CERS3: variants seen among roughly 807,000 people sequenced by gnomAD.
The protein encoded by CERS3 is ceramide synthase 3, also known as LAG1 homolog, ceramide synthase 3.
CERS3 carries 33 observed loss-of-function variants against 50.3 expected under a neutral mutation model. That is an observed-to-expected ratio of 0.66 (90% CI 0.50 to 0.88). The LOEUF (loss-of-function observed/expected upper bound fraction) is 0.88. Ranked by LOEUF, CERS3 falls within the 40% of genes least tolerant of loss-of-function variation. The pLI is 0.00. For synonymous variants in CERS3, 176 were observed against 155.2 expected, an observed-to-expected ratio of 1.13 and a Z score of -0.99; for missense variants, 470 against 460.3, an observed-to-expected ratio of 1.02 and a Z score of -0.19.
At chr15:100,435,450 T>TA (rs1199954201) in intron 11 of CERS3, among the ~76,000 whole-genome samples, 1 of 152,190 alleles carries the variant, frequency 6.6e-6, no homozygotes, top group Non-Finnish European at 1.5e-5. Flanking sequence ...ACCCCTTCCT[T>TA]ACACCTTATA....
At chr15:100,469,512 A>G (rs1196269393) in intron 9 of CERS3, 28 bp from the exon 10 acceptor site, 2 of 1,428,448 alleles carry the variant, frequency 1.4e-6, no homozygotes, top group East Asian at 4.6e-5. Context: ...ACTGCAGATA[A>G]AGTGACAATA....
intron 9 of CERS3, among the ~76,000 whole-genome samples, chr15:100,472,289 C>CAACAAGAATCAAAATAG (rs1354253872): frequency 6.6e-6 from 1 of 152,116 alleles, no homozygotes; most frequent in East Asian, 1.9e-4. Flanking sequence ...TGCCTGGGGT[C>CAACAAGAATCAAAATAG]AACAAGAATC....
chr15:100,525,414 C>T (rs1358546757), intron 1 of CERS3, among the ~76,000 whole-genome samples: 1 of 152,160 alleles, frequency 6.6e-6, no homozygotes, highest in Non-Finnish European at 1.5e-5. Context: ...TTTAAATTCT[C>T]ATATTTGGGA....
At chr15:100,502,384 T>C (rs2036039078) in intron 2 of CERS3, among the ~76,000 whole-genome samples, 2 of 152,050 alleles carry the variant, frequency 1.3e-5, no homozygotes, top group Non-Finnish European at 2.9e-5. Flanking sequence ...AGGACAATTT[T>C]GTTTATGGAA....
At chr15:100,432,825 G>T (rs527917471) in intron 11 of CERS3, among the ~76,000 whole-genome samples, 1 of 152,274 alleles carries the variant, frequency 6.6e-6, no homozygotes, top group South Asian at 2.1e-4. Flanking sequence ...GAGGTGGTAG[G>T]GCTTGATGAC....
chr15:100,540,825 G>A (rs1367638115), intron 1 of CERS3, among the ~76,000 whole-genome samples: 1 of 152,112 alleles, frequency 6.6e-6, no homozygotes, highest in Non-Finnish European at 1.5e-5. Context: ...GTTAAGAGTG[G>A]ATAACACACT....
intron 11 of CERS3, among the ~76,000 whole-genome samples, chr15:100,421,419 C>T (rs1228326961): frequency 6.6e-6 from 1 of 151,970 alleles, no homozygotes; most frequent in East Asian, 1.9e-4. Context: ...AACCACTGCT[C>T]AAGGAAGTAA....
At chr15:100,519,171 A>T (rs2036575366) in intron 2 of CERS3, among the ~76,000 whole-genome samples, 1 of 151,936 alleles carries the variant, frequency 6.6e-6, no homozygotes, top group Admixed American at 6.6e-5. Flanking sequence ...AAAAAAAAAA[A>T]ATCCGCCAAA....
intron 10 of CERS3, 150 bp from the exon 11 acceptor site, chr15:100,456,196 A>G (rs1398000377): frequency 1.2e-5 from 6 of 499,224 alleles, no homozygotes; most frequent in Admixed American, 4.0e-5. Flanking sequence ...ATACGATAAT[A>G]TTATCTTAAA....
chr15:100,465,367 T>C (rs761620035), intron 10 of CERS3, among the ~76,000 whole-genome samples: 1 of 152,072 alleles, frequency 6.6e-6, no homozygotes, highest in Non-Finnish European at 1.5e-5. Context: ...AGACAGAGGG[T>C]TGGGGCCAAG....
At position 100,504,954 on chromosome 15, in the gene CERS3, T is replaced by C. The variant is rs2036134018; in HGVS notation, c.-1-3104A>G. On this transcript the variant is annotated intron_variant, in intron 2 of 11. Transcript: ENST00000679737. ...GCATACACAAGCCTTTGAGTCAAACTCCAGCAAAAGTTCAAACTTCCTACA... is the reference window on the plus strand; with the variant it reads ...GCATACACAAGCCTTTGAGTCAAACCCCAGCAAAAGTTCAAACTTCCTACA... Among the ~76,000 whole-genome samples the C allele has an allele frequency of 2.0e-5, 3 of 152,202 alleles. No homozygotes were observed. In the South Asian group the frequency reaches 6.2e-4, roughly 31 times the overall value.
chr15:100,430,844 C>T (rs1032325177), intron 11 of CERS3, among the ~76,000 whole-genome samples: 3 of 151,862 alleles, frequency 2.0e-5, no homozygotes, highest in African/African-American at 7.3e-5. Flanking sequence ...CCCCTTTTTT[C>T]CCTCCTCAAG....
intron 7 of CERS3, 62 bp from the exon 8 acceptor site, chr15:100,476,240 C>T (rs1337873076): frequency 1.2e-5 from 12 of 1,007,910 alleles, no homozygotes; most frequent in African/African-American, 1.7e-5. Flanking sequence ...CATTTTAATG[C>T]ACTAAAACCT....
chr15:100,479,394 A>G (rs2035231096), intron 7 of CERS3, 34 bp downstream of exon 7: 3 of 1,519,236 alleles, frequency 2.0e-6, no homozygotes, highest in Non-Finnish European at 2.7e-6. Context: ...CTTGGTGTTC[A>G]AGTAAGGGGA....
chr15:100,451,427 G>A (rs1194841621), intron 11 of CERS3, among the ~76,000 whole-genome samples: 2 of 152,150 alleles, frequency 1.3e-5, no homozygotes, highest in East Asian at 3.8e-4. Context: ...GACTAGGCCA[G>A]GCATGGTGGC....
intron 2 of CERS3, among the ~76,000 whole-genome samples, chr15:100,504,416 T>C (rs1479099833): frequency 6.6e-6 from 1 of 152,026 alleles, no homozygotes. Context: ...GCTAATTTCG[T>C]ATTTTTAGTA....
intron 11 of CERS3, among the ~76,000 whole-genome samples, chr15:100,431,562 T>C (rs1260865962): frequency 6.6e-6 from 1 of 152,184 alleles, no homozygotes; most frequent in Non-Finnish European, 1.5e-5. Context: ...TTTACAAATG[T>C]AGGGAAGAGT....
intron 11 of CERS3, among the ~76,000 whole-genome samples, chr15:100,430,260 C>A (rs1465643379): frequency 1.3e-5 from 2 of 150,710 alleles, no homozygotes. Context: ...TGCAGTGAGC[C>A]GAGATCACGC....
rs567009396 is a variant in CERS3 at position 100,441,225 on chromosome 15, C to T, written c.999+14668G>A. 7.0e-4 allele frequency among the ~76,000 whole-genome samples: 106 copies of T among 151,480 alleles called. 2 individuals carry two copies. The South Asian group carries it at 0.022, about 31-fold the overall frequency. On this transcript the variant is annotated intron_variant, in intron 11 of 11. Coordinates refer to ENST00000679737, the MANE Select transcript of CERS3 (RefSeq NM_001378789.1). ...GCCCTGATCCCTTATTTCTGCACCC[C>T]AACCTCTTATCTCTGTGCCCCTACC...
Sources: gnomAD v4.1 joint callset for allele counts (sites outside exome capture counted in the v4.1 genomes callset) on GRCh38, gnomAD v4.1.1 for gene constraint, MANE v1.5 for transcripts, NCBI Gene and HGNC (gene_info 2026-07-23, HGNC 2026-07-21) for gene names.